Variants in SNAP23 observed in about 807,000 individuals in gnomAD.
The protein encoded by SNAP23 is synaptosomal-associated protein 23.
In SNAP23, 11 loss-of-function variants were observed where a neutral mutation model predicts 29.0. That is an observed-to-expected ratio of 0.38 (90% CI 0.24 to 0.63). The LOEUF is 0.63. Among genes scored for constraint, SNAP23 ranks in the 20% least tolerant of loss-of-function variants. The pLI is 0.58. For missense variants in SNAP23, 220 were observed against 253.9 expected (o/e 0.87, Z 0.91); for synonymous variants, 60 against 82.9 (o/e 0.72, Z 1.50).
At chr15:42,524,552 C>T (rs998648173) in intron 5 of SNAP23, among the ~76,000 whole-genome samples, 1 of 152,142 alleles carries the variant, frequency 6.6e-6, no homozygotes, top group Non-Finnish European at 1.5e-5. Flanking sequence ...GTTGTACGCT[C>T]CTTATGAGAA....
intron 5 of SNAP23, among the ~76,000 whole-genome samples, chr15:42,522,374 A>C (rs1030480812): frequency 1.1e-4 from 17 of 152,218 alleles, no homozygotes; most frequent in African/African-American, 4.1e-4. Context: ...TTGAATTAAT[A>C]CAAAACTAAC....
chr15:42,506,240 C>A (rs944671173), intron 1 of SNAP23, among the ~76,000 whole-genome samples: 1 of 151,684 alleles, frequency 6.6e-6, no homozygotes, highest in Non-Finnish European at 1.5e-5. Context: ...CCACTGTGAC[C>A]GGCCCATTTC....
At chr15:42,493,654 T>G (rs1380088282), upstream of SNAP23, among the ~76,000 whole-genome samples, 1 of 152,108 alleles carries the variant, frequency 6.6e-6, no homozygotes, top group Non-Finnish European at 1.5e-5. Context: ...AATGGTGAGT[T>G]CATTTTTGCC....
chr15:42,491,932 A>G (rs1760142799), upstream of SNAP23, among the ~76,000 whole-genome samples: 3 of 151,276 alleles, frequency 2.0e-5, no homozygotes, highest in Non-Finnish European at 4.4e-5. Context: ...TTATTTTGAG[A>G]TGGAGTCTTG....
At position 42,521,687 on chromosome 15, in the gene SNAP23, GC is replaced by G. The variant is rs763677777; in HGVS notation, c.266+6334del. The stretch of plus-strand genomic sequence containing the variant: ...GATGCAGTCTTGTGGCGCAGTTTGG[GC>G]TGCTAACCTGCTATCTAAAGGTGAT... On this transcript the variant is annotated intron_variant, in intron 5 of 7. Coordinates refer to ENST00000249647, the MANE Select transcript of SNAP23 (RefSeq NM_003825.4). 1.8e-5 allele frequency: 19 copies of G among 1,064,726 alleles called. No individual in the cohort carries two copies. The South Asian group carries it at 2.6e-4, about 15-fold the overall frequency. The allele number at this position is 1,064,726 out of a possible 1,614,324, so 66.0% of individuals were successfully genotyped here.
rs1337476317 is a variant in SNAP23 at position 42,521,694 on chromosome 15, AC to A, written c.266+6342del. On this transcript the variant is annotated intron_variant, in intron 5 of 7. Transcript: ENST00000249647. ...TCTTGTGGCGCAGTTTGGGCTGCTA[AC>A]CTGCTATCTAAAGGTGATGCTTCAA... 3.0e-6 allele frequency: 3 copies of A among 984,160 alleles called. No homozygotes were observed. The East Asian group carries it at 7.8e-5, about 26-fold the overall frequency. The allele number at this position is 984,160 out of a possible 1,614,324, so 61.0% of individuals were successfully genotyped here.
chr15:42,529,253 CCT>C (rs1398719781), intron 6 of SNAP23, among the ~76,000 whole-genome samples: 2 of 152,172 alleles, frequency 1.3e-5, no homozygotes, highest in African/African-American at 4.8e-5. Flanking sequence ...AGTTTTCCAA[CCT>C]CTCTCTTAGG....
At chr15:42,519,608 G>A (rs1312600002) in intron 5 of SNAP23, among the ~76,000 whole-genome samples, 1 of 151,944 alleles carries the variant, frequency 6.6e-6, no homozygotes, top group Non-Finnish European at 1.5e-5. Flanking sequence ...GACCTCAAGT[G>A]ATCCACCCAC....
chr15:42,507,238 T>C (rs2057323832), intron 1 of SNAP23, among the ~76,000 whole-genome samples: 1 of 152,204 alleles, frequency 6.6e-6, no homozygotes, highest in Non-Finnish European at 1.5e-5. Context: ...AACTGAGCCT[T>C]AGTTTCTCCA....
At chr15:42,522,232 G>A (rs1206075671) in intron 5 of SNAP23, 1 of 152,198 alleles carries the variant, frequency 6.6e-6, no homozygotes, top group Non-Finnish European at 1.5e-5. Flanking sequence ...TTGGAACAAG[G>A]TGGGATATAA....
At chr15:42,521,712 A>T (rs544248960) in intron 5 of SNAP23, 2 of 822,198 alleles carry the variant, frequency 2.4e-6, no homozygotes, top group South Asian at 3.0e-5. Flanking sequence ...TCTAAAGGTG[A>T]TGCTTCAAAT....
At chr15:42,525,134 G>A (rs752723274) in intron 5 of SNAP23, among the ~76,000 whole-genome samples, 1 of 149,862 alleles carries the variant, frequency 6.7e-6, no homozygotes, top group Non-Finnish European at 1.5e-5. Flanking sequence ...TTGGGAGGCC[G>A]AGGCAGGCGG....
intron 1 of SNAP23, among the ~76,000 whole-genome samples, chr15:42,502,725 G>A (rs1000021467): frequency 7.2e-5 from 11 of 152,106 alleles, no homozygotes; most frequent in African/African-American, 2.7e-4. Flanking sequence ...TGGCTCTTGA[G>A]CCCCGTTCTT....
At chr15:42,528,033 G>A in intron 5 of SNAP23, 5 of 435,728 alleles carry the variant, frequency 1.1e-5, no homozygotes, top group Non-Finnish European at 2.1e-5. Context: ...TTTGGTAGAA[G>A]TAGTATTTGG....
intron 5 of SNAP23, among the ~76,000 whole-genome samples, chr15:42,515,964 C>T (rs2057393630): frequency 6.6e-6 from 1 of 152,036 alleles, no homozygotes; most frequent in South Asian, 2.1e-4. Flanking sequence ...GAGGGCATTT[C>T]CTATGAAAGG....
At chr15:42,522,125 C>T (rs974914985) in intron 5 of SNAP23, 1 of 152,532 alleles carries the variant, frequency 6.6e-6, no homozygotes, top group African/African-American at 2.4e-5. Context: ...AAGATTTCCT[C>T]TATTAAAGTT....
chr15:42,530,966 G>C (rs1262733331), intron 7 of SNAP23, among the ~76,000 whole-genome samples: 1 of 152,150 alleles, frequency 6.6e-6, no homozygotes, highest in Non-Finnish European at 1.5e-5. Context: ...TCGTTTCAAA[G>C]ATCTTTGGAA....
At chr15:42,516,431 G>A (rs1224690074) in intron 5 of SNAP23, among the ~76,000 whole-genome samples, 1 of 152,144 alleles carries the variant, frequency 6.6e-6, no homozygotes, top group East Asian at 1.9e-4. Context: ...CTGGGTTCAA[G>A]TGATTTCTCC....
In SNAP23 at chr15:42,532,371, C is replaced by T. The variant is rs2057574696; in HGVS notation, c.*893C>T. The T allele has an allele frequency of 1.3e-5, 2 of 151,958 alleles. No homozygotes were observed. The highest frequency in any genetic ancestry group is 1.3e-4 in the Admixed American group (2 of 15,262). 9.4% of individuals were successfully genotyped at this position (151,958 alleles called of 1,614,324 possible). On this transcript the variant is annotated 3_prime_UTR_variant, in exon 8 of 8. Coordinates refer to ENST00000249647, the MANE Select transcript of SNAP23 (RefSeq NM_003825.4). ...AAGTACTGGGATTACAGGCGTGAGC[C>T]ACTGTGCCTGGCTGAGTTTTCTTAA...
Sources: gnomAD v4.1 joint callset for allele counts (sites outside exome capture counted in the v4.1 genomes callset) on GRCh38, gnomAD v4.1.1 for gene constraint, MANE v1.5 for transcripts, NCBI Gene and HGNC (gene_info 2026-07-23, HGNC 2026-07-21) for gene names.